The following EYS variants were observed in gnomAD, a reference collection of about 807,000 sequenced individuals.
EYS encodes the protein EGF-like photoreceptor maintenance factor, also known as protein eyes shut homolog.
In EYS, 250 loss-of-function variants were observed where a neutral mutation model predicts 282.1. The observed-to-expected ratio is 0.89, with a 90% CI of 0.80 to 0.98. The LOEUF is 0.98. EYS is among the 50% of genes least tolerant of loss of function. EYS has a pLI of 0.00. For missense variants in EYS, 4,016 were observed against 3,709.0 expected (o/e 1.08, Z -2.15); for synonymous variants, 1,355 against 1,282.9 (o/e 1.06, Z -1.20).
intron 1 of EYS, among the ~76,000 whole-genome samples, chr6:65,684,935 C>G (rs1484566269): frequency 6.6e-6 from 1 of 151,972 alleles, no homozygotes; most frequent in African/African-American, 2.4e-5. Context: ...TTGTTCCCCT[C>G]TTTGTGTCCA....
chr6:65,515,708 G>A (rs921684156), intron 2 of EYS, among the ~76,000 whole-genome samples: 13 of 146,042 alleles, frequency 8.9e-5, no homozygotes, highest in Admixed American at 1.4e-4. Context: ...ACCAAACACC[G>A]CATATTCTCA....
intron 13 of EYS, among the ~76,000 whole-genome samples, chr6:65,001,888 T>G (rs1338706759): frequency 6.8e-6 from 1 of 147,342 alleles, no homozygotes; most frequent in Admixed American, 6.8e-5. Flanking sequence ...GATTATATTA[T>G]GAAATACATT....
At chr6:65,113,178 G>A (rs1775264048) in intron 12 of EYS, among the ~76,000 whole-genome samples, 1 of 151,982 alleles carries the variant, frequency 6.6e-6, no homozygotes, top group Non-Finnish European at 1.5e-5. Flanking sequence ...TCTCTCTAGG[G>A]ATCAGAATAG....
At chr6:63,769,516 G>T (rs1298022173) in intron 40 of EYS, among the ~76,000 whole-genome samples, 1 of 152,046 alleles carries the variant, frequency 6.6e-6, no homozygotes, top group African/African-American at 2.4e-5. Flanking sequence ...TTAATTGTCA[G>T]TACAAGGAAA....
chr6:65,405,135 A>G (rs1473396225), intron 6 of EYS, 39 bp downstream of exon 6: 4 of 1,502,606 alleles, frequency 2.7e-6, no homozygotes, highest in Admixed American at 3.4e-5. Flanking sequence ...AGTAAAAAAA[A>G]TTTAAAACCA....
At position 64,372,049 on chromosome 6, in the gene EYS, C is replaced by T. The variant is rs538215409; in HGVS notation, c.6078+16641G>A. Reference sequence around the variant, plus strand: ...ATGTATTGACATGTGCAGATTTGATCTTGTCATCATGTTGTTAGCTGGTTA... The same window carrying T: ...ATGTATTGACATGTGCAGATTTGATTTTGTCATCATGTTGTTAGCTGGTTA... On this transcript the variant is annotated intron_variant, in intron 29 of 42. Coordinates refer to ENST00000503581, the MANE Select transcript of EYS (RefSeq NM_001142800.2). Among the ~76,000 whole-genome samples, 10 of 147,710 alleles carry T rather than the reference C, an allele frequency of 6.8e-5. No homozygotes were observed. The South Asian group carries it at 1.1e-3, about 16-fold the overall frequency.
intron 1 of EYS, among the ~76,000 whole-genome samples, chr6:65,678,455 T>C (rs368000653): frequency 2.4e-4 from 36 of 151,902 alleles, no homozygotes; most frequent in Non-Finnish European, 4.1e-4. Flanking sequence ...ATAAATTAAC[T>C]CAAAATAGAT....
At chr6:64,771,999 T>G (rs974594365) in intron 22 of EYS, among the ~76,000 whole-genome samples, 11 of 151,948 alleles carry the variant, frequency 7.2e-5, no homozygotes, top group Non-Finnish European at 1.3e-4. Flanking sequence ...TTTATTATTT[T>G]TCAAAATGTT....
Position 64,586,573 on chromosome 6 carries a change from C to A in EYS, c.5644+3650G>T, listed in dbSNP as rs554877500. Among the ~76,000 whole-genome samples the A allele has an allele frequency of 6.6e-5, 10 of 151,984 alleles. No homozygotes were observed. In the South Asian group the frequency reaches 1.7e-3, roughly 25 times the overall value. ...GCCAAAAAGATTTGAAGATGTAAATCTTTTCAGAAAGAAAAAACAAGAGAT... is the reference window on the plus strand; with the variant it reads ...GCCAAAAAGATTTGAAGATGTAAATATTTTCAGAAAGAAAAAACAAGAGAT... On this transcript the variant is annotated intron_variant, in intron 26 of 42. Transcript: ENST00000503581.
At chr6:64,142,106 G>T (rs1178855294) in intron 31 of EYS, among the ~76,000 whole-genome samples, 1 of 152,060 alleles carries the variant, frequency 6.6e-6, no homozygotes, top group African/African-American at 2.4e-5. Flanking sequence ...AGTCCTCGAG[G>T]TGGAGAGAAA....
In EYS at chr6:65,281,095, T is replaced by C. The variant is rs115432567; in HGVS notation, c.2023+14768A>G. Among the ~76,000 whole-genome samples the C allele has an allele frequency of 4.8e-3, 721 of 150,376 alleles. 6 individuals carry two copies. The highest frequency in any genetic ancestry group is 0.016 in the African/African-American group (659 of 41,272). On this transcript the variant is annotated intron_variant, in intron 12 of 42. Coordinates refer to ENST00000503581, the MANE Select transcript of EYS (RefSeq NM_001142800.2). ...AACACCTAACTATTGAGGTAAGTTT[T>C]TTTTGTCATATATATGTATATGTAC...
intron 26 of EYS, among the ~76,000 whole-genome samples, chr6:64,513,312 G>T (rs1201117639): frequency 6.6e-6 from 1 of 151,788 alleles, no homozygotes; most frequent in Non-Finnish European, 1.5e-5. Context: ...ATTGTTAAAC[G>T]TACTGTTTTT....
At position 64,717,353 on chromosome 6, in the gene EYS, C is replaced by T. The variant is rs557085129; in HGVS notation, c.3444-91108G>A. ...CTTTATTTGCAGCTGCTCCCCATTG[C>T]TCATATCACCACCTCAGCTCCACCT... is the stretch of plus-strand genomic sequence containing the variant. On this transcript the variant is annotated intron_variant, in intron 22 of 42. Transcript: ENST00000503581. Among the ~76,000 whole-genome samples, 7 of 152,274 alleles carry T rather than the reference C, an allele frequency of 4.6e-5. No individual in the cohort carries two copies. The South Asian group carries it at 1.5e-3, about 32-fold the overall frequency.
intron 31 of EYS, among the ~76,000 whole-genome samples, chr6:64,182,853 T>A (rs1323898933): frequency 2.6e-5 from 4 of 152,132 alleles, no homozygotes; most frequent in African/African-American, 9.7e-5. Context: ...ACCCTACTCC[T>A]GTCTACCCTC....
intron 12 of EYS, 99 bp from the exon 13 acceptor site, chr6:65,057,826 T>C: frequency 3.6e-6 from 3 of 822,668 alleles, no homozygotes; most frequent in South Asian, 3.2e-5. Context: ...CCACTTAGGA[T>C]GACATCTGAA....
At chr6:64,338,250 G>T (rs898953026) in intron 29 of EYS, among the ~76,000 whole-genome samples, 2 of 151,886 alleles carry the variant, frequency 1.3e-5, no homozygotes, top group Non-Finnish European at 2.9e-5. Context: ...CCTCCAGAAA[G>T]CTCCTAGAAC....
At chr6:63,972,845 T>C (rs1766649459) in intron 35 of EYS, among the ~76,000 whole-genome samples, 1 of 152,148 alleles carries the variant, frequency 6.6e-6, no homozygotes, top group South Asian at 2.1e-4. Flanking sequence ...GCTTCATCCA[T>C]GTCCCTGCAA....
Position 64,236,321 on chromosome 6 carries a change from CTATT to C in EYS, c.6192-5501_6192-5498del, listed in dbSNP as rs1442181784. 2.0e-5 allele frequency among the ~76,000 whole-genome samples: 3 copies of C among 152,062 alleles called. No homozygotes were observed. The East Asian group carries it at 5.8e-4, about 29-fold the overall frequency. On this transcript the variant is annotated intron_variant, in intron 30 of 42. Coordinates refer to ENST00000503581, the MANE Select transcript of EYS (RefSeq NM_001142800.2). Reference sequence around the variant, plus strand: ...TATGGATCTATCATATTTTATTTATCTATTCATTAGTTGAAAGATGTGGGACTTT... The same window carrying C: ...TATGGATCTATCATATTTTATTTATCCATTAGTTGAAAGATGTGGGACTTT...
Position 65,231,085 on chromosome 6 carries a change from G to GTA in EYS, c.2023+64776_2023+64777dup, listed in dbSNP as rs1242273414. On this transcript the variant is annotated intron_variant, in intron 12 of 42. Transcript: ENST00000503581. ...TATGTACTTTTATATATATATATGTGTATATATATATACTTTTATATATAT... is the reference window on the plus strand; with the variant it reads ...TATGTACTTTTATATATATATATGTGTATATATATATATACTTTTATATATAT... 7.7e-3 allele frequency among the ~76,000 whole-genome samples: 702 copies of GTA among 91,528 alleles called. 6 individuals are homozygous for GTA. Among genetic ancestry groups the GTA allele is most frequent in the African/African-American group, 0.025 (672 of 26,650 alleles). The allele number at this position is 91,528 out of a possible 152,430, so 60.0% of individuals were successfully genotyped here. A position where few individuals can be genotyped will look rare whatever the true frequency, so the allele number is the denominator to read the frequency against.
Sources: allele counts gnomAD v4.1 joint callset (sites outside exome capture counted in the v4.1 genomes callset), GRCh38; gene constraint gnomAD v4.1.1; transcripts MANE v1.5; gene names NCBI Gene and HGNC (gene_info 2026-07-23, HGNC 2026-07-21).